The following FHIT variants were observed in gnomAD, a reference collection of about 807,000 sequenced individuals.
FHIT encodes the protein bis(5'-adenosyl)-triphosphatase.
FHIT carries 19 observed loss-of-function variants against 17.9 expected under a neutral mutation model. That is an observed-to-expected ratio of 1.06 (90% CI 0.74 to 1.56). The LOEUF is 1.56. Ranked by LOEUF, FHIT falls within the 40% of genes most tolerant of loss-of-function variation. FHIT has a pLI of 0.00. For missense variants in FHIT, 248 were observed against 189.2 expected, an observed-to-expected ratio of 1.31 and a Z score of -1.82; for synonymous variants, 81 against 69.7, an observed-to-expected ratio of 1.16 and a Z score of -0.81.
intron 5 of FHIT, among the ~76,000 whole-genome samples, chr3:60,498,218 T>G (rs2034382209): frequency 1.3e-5 from 2 of 152,192 alleles, no homozygotes; most frequent in Admixed American, 1.3e-4. Flanking sequence ...TTTCCTCCAA[T>G]CTTTGAAAGT....
At chr3:60,232,974 G>C (rs115395792) in intron 5 of FHIT, among the ~76,000 whole-genome samples, 1,650 of 152,240 alleles carry the variant, frequency 0.011, 15 homozygotes, top group South Asian at 0.022. Context: ...ATGTTCTAGA[G>C]ATCTATGGTG....
chr3:59,908,850 T>TTTTTTTTTTTTTTTTTTTTTTTTGAG (rs1553712872), intron 8 of FHIT, among the ~76,000 whole-genome samples: 25 of 150,090 alleles, frequency 1.7e-4, no homozygotes, highest in African/African-American at 3.9e-4. Flanking sequence ...TTTCATTTTT[T>TTTTTTTTTTTTTTTTTTTTTTTTGAG]AATAGTCCAA....
chr3:59,805,085 C>T (rs1001426580), intron 8 of FHIT, among the ~76,000 whole-genome samples: 5 of 152,080 alleles, frequency 3.3e-5, no homozygotes, highest in Non-Finnish European at 7.3e-5. Context: ...CCTCCTCTGT[C>T]TAGCTTGAAG....
intron 4 of FHIT, among the ~76,000 whole-genome samples, chr3:60,806,360 C>T (rs1553734188): frequency 6.6e-6 from 1 of 152,160 alleles, no homozygotes; most frequent in Non-Finnish European, 1.5e-5. Flanking sequence ...TTTGGTCCTT[C>T]TAGGATCAAT....
chr3:60,947,154 G>C (rs1708676787), intron 3 of FHIT, among the ~76,000 whole-genome samples: 1 of 152,056 alleles, frequency 6.6e-6, no homozygotes, highest in South Asian at 2.1e-4. Context: ...AAGAGGTGAG[G>C]AGCATCTAAT....
intron 3 of FHIT, among the ~76,000 whole-genome samples, chr3:60,902,778 C>G (rs1304086020): frequency 6.6e-6 from 1 of 152,172 alleles, no homozygotes; most frequent in Non-Finnish European, 1.5e-5. Flanking sequence ...TAAAGATCTA[C>G]CTGTAGACCT....
chr3:59,855,192 T>C (rs1702103194), intron 8 of FHIT, among the ~76,000 whole-genome samples: 1 of 152,218 alleles, frequency 6.6e-6, no homozygotes, highest in Non-Finnish European at 1.5e-5. Flanking sequence ...ATGTTAATTA[T>C]AAAAATTTTC....
At chr3:60,180,902 G>A (rs1701901129) in intron 5 of FHIT, among the ~76,000 whole-genome samples, 2 of 152,004 alleles carry the variant, frequency 1.3e-5, no homozygotes, top group Non-Finnish European at 2.9e-5. Context: ...TTAAAACACT[G>A]CACATATTTT....
chr3:60,687,052 T>C (rs532081507), intron 4 of FHIT, among the ~76,000 whole-genome samples: 6 of 152,344 alleles, frequency 3.9e-5, no homozygotes, highest in East Asian at 3.9e-4. Flanking sequence ...TCACAAGCAC[T>C]CATCTCATTT....
At chr3:60,919,446 A>G (rs1301778728) in intron 3 of FHIT, among the ~76,000 whole-genome samples, 1 of 151,948 alleles carries the variant, frequency 6.6e-6, no homozygotes, top group Non-Finnish European at 1.5e-5. Flanking sequence ...GATATGGGCA[A>G]GAAACAGATG....
intron 4 of FHIT, among the ~76,000 whole-genome samples, chr3:60,549,788 T>C (rs1226129113): frequency 1.3e-5 from 2 of 152,224 alleles, no homozygotes; most frequent in African/African-American, 4.8e-5. Context: ...AAAGAAACAC[T>C]GTTCTCTTCG....
intron 3 of FHIT, among the ~76,000 whole-genome samples, chr3:60,852,102 C>A (rs191165276): frequency 2.0e-5 from 3 of 152,190 alleles, no homozygotes; most frequent in East Asian, 3.9e-4. Flanking sequence ...GTGTGGACTT[C>A]ATCCAATCAG....
chr3:60,174,736 T>A (rs567519620), intron 5 of FHIT, among the ~76,000 whole-genome samples: 3 of 152,142 alleles, frequency 2.0e-5, no homozygotes, highest in African/African-American at 7.2e-5. Context: ...ATTCATAATA[T>A]TGCACAATTA....
At chr3:60,864,244 G>T (rs1553753351) in intron 3 of FHIT, among the ~76,000 whole-genome samples, 1 of 152,104 alleles carries the variant, frequency 6.6e-6, no homozygotes, top group East Asian at 1.9e-4. Flanking sequence ...GATGAGATTT[G>T]GGTGGGGACA....
At chr3:60,505,035 A>C (rs975435917) in intron 5 of FHIT, among the ~76,000 whole-genome samples, 2 of 152,172 alleles carry the variant, frequency 1.3e-5, no homozygotes, top group Non-Finnish European at 2.9e-5. Flanking sequence ...CTATCACCCC[A>C]AAAGTTTTGT....
intron 5 of FHIT, among the ~76,000 whole-genome samples, chr3:60,113,817 T>C (rs1021667673): frequency 3.3e-5 from 5 of 149,500 alleles, no homozygotes; most frequent in South Asian, 2.1e-4. Context: ...CTGGTTAACA[T>C]GGTGAAACCC....
intron 5 of FHIT, among the ~76,000 whole-genome samples, chr3:60,022,747 GC>G (rs1223983735): frequency 6.6e-6 from 1 of 152,178 alleles, no homozygotes; most frequent in Non-Finnish European, 1.5e-5. Context: ...AGTTTTGGCT[GC>G]CACCAGGGAG....
intron 2 of FHIT, among the ~76,000 whole-genome samples, chr3:61,097,686 A>C (rs936130217): frequency 1.3e-5 from 2 of 151,746 alleles, no homozygotes; most frequent in African/African-American, 2.4e-5. Context: ...TTTGATTTGC[A>C]TTTCTCTAAT....
chr3:60,167,030 G>A (rs72886317), intron 5 of FHIT, among the ~76,000 whole-genome samples: 2,337 of 152,194 alleles, frequency 0.015, 53 homozygotes, highest in African/African-American at 0.053. Context: ...CTTTGCATGG[G>A]AACTCTCCCA....
Sources: gnomAD v4.1 joint callset for allele counts (sites outside exome capture counted in the v4.1 genomes callset) on GRCh38, gnomAD v4.1.1 for gene constraint, MANE v1.5 for transcripts, NCBI Gene and HGNC (gene_info 2026-07-23, HGNC 2026-07-21) for gene names.